Variants in COPA observed in about 807,000 individuals in gnomAD.
The protein encoded by COPA is coat protein complex I subunit alpha, also known as coatomer subunit alpha.
A neutral mutation model predicts 158.7 loss-of-function variants in COPA; 10 were observed. The observed-to-expected ratio is 0.06, with a 90% CI of 0.04 to 0.11. The LOEUF is 0.11. Ranked by LOEUF, COPA falls within the 10% of genes least tolerant of loss-of-function variation. The probability of loss-of-function intolerance (pLI) is 1.00; values close to 1 mark genes in which losing one functional copy is unlikely to be tolerated. For synonymous variants in COPA, 462 were observed against 542.8 expected, an observed-to-expected ratio of 0.85 and a Z score of 2.07; for missense variants, 1,065 against 1,536.7, an observed-to-expected ratio of 0.69 and a Z score of 5.13.
At chr1:160,296,711 CAGAAAT>C (rs1290260585) in intron 21 of COPA, among the ~76,000 whole-genome samples, 2 of 152,202 alleles carry the variant, frequency 1.3e-5, no homozygotes, top group Non-Finnish European at 2.9e-5. Flanking sequence ...ATTTGTTACA[CAGAAAT>C]AGAGAACTAA....
At chr1:160,315,302 G>A (rs1659094655) in intron 8 of COPA, among the ~76,000 whole-genome samples, 1 of 152,208 alleles carries the variant, frequency 6.6e-6, no homozygotes, top group African/African-American at 2.4e-5. Context: ...CTGCCTGAAA[G>A]GGGAAATATC....
In COPA at chr1:160,335,332, C is replaced by T. The variant is rs777500215; in HGVS notation, c.229-10G>A. 1.2e-6 allele frequency: 2 copies of T among 1,604,938 alleles called. No individual in the cohort carries two copies. The highest frequency in any genetic ancestry group is 4.5e-5 in the East Asian group (2 of 44,620). On this transcript the variant is annotated splice_polypyrimidine_tract_variant and intron_variant, in intron 3 of 32. Transcript: ENST00000241704. ...GCTTGTAATTCCAAACCTGCAAAGA[C>T]AAATCAAACTAAGAAACAGAAATAG... is the stretch of plus-strand genomic sequence containing the variant.
intron 4 of COPA, among the ~76,000 whole-genome samples, 164 bp from the exon 5 acceptor site, chr1:160,333,843 A>G (rs1647643892): frequency 6.6e-6 from 1 of 152,056 alleles, no homozygotes; most frequent in Non-Finnish European, 1.5e-5. Flanking sequence ...TTTCTCTACC[A>G]CTCTAACAGC....
intron 17 of COPA, among the ~76,000 whole-genome samples, chr1:160,301,695 C>T (rs1658609732): frequency 6.6e-6 from 1 of 152,194 alleles, no homozygotes; most frequent in Non-Finnish European, 1.5e-5. Context: ...ATAACTTGAG[C>T]CCAGGAGGCA....
At chr1:160,319,141 A>C (rs1659251956) in intron 8 of COPA, among the ~76,000 whole-genome samples, 1 of 152,136 alleles carries the variant, frequency 6.6e-6, no homozygotes, top group Admixed American at 6.5e-5. Context: ...GCCCTCAAGA[A>C]ACCCATTTAC....
chr1:160,305,038 G>A (rs983605128), intron 17 of COPA, among the ~76,000 whole-genome samples: 1 of 151,976 alleles, frequency 6.6e-6, no homozygotes, highest in African/African-American at 2.4e-5. Context: ...AGAAACACAG[G>A]GCAGTAAAAT....
chr1:160,297,224 T>C, intron 21 of COPA, 119 bp downstream of exon 21: 1 of 866,312 alleles, frequency 1.2e-6, no homozygotes, highest in Non-Finnish European at 1.8e-6. Flanking sequence ...GCATGTTGTC[T>C]CTCCTAAAAA....
At chr1:160,291,713 T>A (rs188915467) in intron 30 of COPA, 106 bp downstream of exon 30, 226 of 1,254,270 alleles carry the variant, frequency 1.8e-4, no homozygotes, top group Admixed American at 3.1e-4. Flanking sequence ...GGCCTAAATT[T>A]CTCTTCATCC....
intron 3 of COPA, among the ~76,000 whole-genome samples, chr1:160,337,538 G>A (rs1406758029): frequency 4.6e-5 from 7 of 152,278 alleles, no homozygotes; most frequent in Middle Eastern, 3.4e-3. Flanking sequence ...TGACCAACAT[G>A]GAGAAACCCC....
chr1:160,302,273 A>G (rs926712248), intron 17 of COPA, among the ~76,000 whole-genome samples: 3 of 152,174 alleles, frequency 2.0e-5, no homozygotes, highest in African/African-American at 7.2e-5. Context: ...TTTTAAATAG[A>G]TATTATCCAT....
chr1:160,301,087 G>A (rs1440760704), intron 17 of COPA, among the ~76,000 whole-genome samples: 4 of 152,182 alleles, frequency 2.6e-5, no homozygotes, highest in Middle Eastern at 3.4e-3. Flanking sequence ...AACCCGGGAG[G>A]TGGAGGTTGC....
chr1:160,297,748 A>G lies in COPA; in HGVS notation c.1978-3T>C. ...GCTTTGGCTGCTTCCAGAGCAATCT[A>G]AAGAATCCCCAGGGTCGTGTTAACA... On this transcript the variant is annotated splice_region_variant and splice_polypyrimidine_tract_variant and intron_variant, in intron 19 of 32. Coordinates refer to ENST00000241704, the MANE Select transcript of COPA (RefSeq NM_004371.4). The G allele has an allele frequency of 4.3e-6, 7 of 1,613,258 alleles. No individual in the cohort carries two copies. Among genetic ancestry groups the G allele is most frequent in the Non-Finnish European group, 5.1e-6 (6 of 1,179,684 alleles).
intron 4 of COPA, 139 bp downstream of exon 4, chr1:160,335,103 A>G (rs1263703737): frequency 1.8e-6 from 1 of 567,678 alleles, no homozygotes; most frequent in East Asian, 3.4e-5. Context: ...AAAAGCAGAA[A>G]GGACAATACC....
chr1:160,337,700 C>A (rs1194487106), intron 3 of COPA, among the ~76,000 whole-genome samples: 2 of 151,590 alleles, frequency 1.3e-5, no homozygotes, highest in African/African-American at 4.9e-5. Context: ...GCCTGGGCAA[C>A]AGAACAAGAC....
At position 160,293,374 on chromosome 1, in the gene COPA, C is replaced by T. The variant is rs1015373178; in HGVS notation, c.2754+12G>A. 6.8e-6 allele frequency: 11 copies of T among 1,613,408 alleles called. No individual in the cohort carries two copies. In the African/African-American group the frequency reaches 1.2e-4, roughly 18 times the overall value. ...CACTCATCCCTGCCGTGCTAGGTTT[C>T]TTCCCGCTTACCTGAGTTGGACTTG... On this transcript the variant is annotated intron_variant, in intron 26 of 32. Coordinates refer to ENST00000241704, the MANE Select transcript of COPA (RefSeq NM_004371.4).
chr1:160,343,022 C>T (rs1428975609), intron 1 of COPA, 109 bp downstream of exon 1: 39 of 1,318,332 alleles, frequency 3.0e-5, no homozygotes, highest in Admixed American at 8.4e-5. Flanking sequence ...TCCTCCGGGT[C>T]CGTCTGGTGG....
intron 23 of COPA, among the ~76,000 whole-genome samples, chr1:160,295,276 TACTC>T (rs1414098090): frequency 2.6e-5 from 4 of 152,122 alleles, no homozygotes; most frequent in African/African-American, 7.2e-5. Flanking sequence ...TTTAGGCTCT[TACTC>T]ACGGGAAATG....
chr1:160,337,195 A>G (rs1647816751), intron 3 of COPA, among the ~76,000 whole-genome samples: 2 of 152,294 alleles, frequency 1.3e-5, no homozygotes, highest in Non-Finnish European at 2.9e-5. Context: ...TAATGGCCTA[A>G]GTCAAGCTCC....
chr1:160,304,799 A>G (rs764952920), intron 17 of COPA, among the ~76,000 whole-genome samples: 20 of 152,234 alleles, frequency 1.3e-4, no homozygotes, highest in Non-Finnish European at 2.8e-4. Flanking sequence ...AGAATGTTTA[A>G]GAGCATTGTT....
Sources: allele counts gnomAD v4.1 joint callset (sites outside exome capture counted in the v4.1 genomes callset), GRCh38; gene constraint gnomAD v4.1.1; transcripts MANE v1.5; gene names NCBI Gene and HGNC (gene_info 2026-07-23, HGNC 2026-07-21).